MAGED1: variants seen among roughly 807,000 people sequenced by gnomAD.
MAGED1 encodes the protein MAGE family member D1, also known as melanoma-associated antigen D1.
Under a neutral mutation model 54.1 loss-of-function variants are expected in MAGED1, and 3 were observed. That is an observed-to-expected ratio of 0.06 (90% confidence interval 0.03 to 0.14). The LOEUF is 0.14. Ranked by LOEUF, MAGED1 falls within the 10% of genes least tolerant of loss-of-function variation. The probability of loss-of-function intolerance (pLI) is 1.00; values close to 1 mark genes in which losing one functional copy is unlikely to be tolerated. For synonymous variants in MAGED1, 217 were observed against 227.3 expected, an observed-to-expected ratio of 0.95 and a Z score of 0.41; for missense variants, 485 against 623.4, an observed-to-expected ratio of 0.78 and a Z score of 2.36.
At chrX:51,876,234 CTTTT>C (rs782260180) in intron 1 of MAGED1, among the ~76,000 whole-genome samples, 2 of 102,509 alleles carry the variant, frequency 2.0e-5, no homozygotes, top group African/African-American at 3.5e-5. Context: ...GTCTTTCTTT[CTTTT>C]TTTTTTTTTC....
At chrX:51,894,960 C>G in intron 2 of MAGED1, 93 bp from the exon 3 acceptor site, 3 of 932,033 alleles carry the variant, frequency 3.2e-6, no homozygotes, top group Non-Finnish European at 4.4e-6. Flanking sequence ...GCCTGCAGCT[C>G]CGCTGCTGCG....
intron 1 of MAGED1, among the ~76,000 whole-genome samples, chrX:51,836,406 G>A (rs1926250184): frequency 9.0e-6 from 1 of 110,844 alleles, no homozygotes; most frequent in Non-Finnish European, 1.9e-5. Flanking sequence ...TGATTAGGTG[G>A]AACCAGGGTG....
upstream of MAGED1, among the ~76,000 whole-genome samples, chrX:51,888,586 C>A (rs1270355393): frequency 8.9e-6 from 1 of 112,052 alleles, no homozygotes; most frequent in African/African-American, 3.2e-5. Context: ...CATGCACTTA[C>A]TATATACCCC....
At chrX:51,835,282 C>T (rs1926205340) in intron 1 of MAGED1, among the ~76,000 whole-genome samples, 1 of 111,258 alleles carries the variant, frequency 9.0e-6, no homozygotes, top group African/African-American at 3.3e-5. Context: ...GCTTAGAACA[C>T]TTAATATTAG....
chrX:51,840,746 C>T (rs1298645563), intron 1 of MAGED1, among the ~76,000 whole-genome samples: 4 of 109,775 alleles, frequency 3.6e-5, no homozygotes, highest in Non-Finnish European at 7.6e-5. Flanking sequence ...CATCCATGTC[C>T]CTACAAAGGA....
chrX:51,871,801 G>A (rs1170212005), intron 1 of MAGED1, among the ~76,000 whole-genome samples: 2 of 111,552 alleles, frequency 1.8e-5, no homozygotes, highest in Non-Finnish European at 3.8e-5. Context: ...GTAATGGGAT[G>A]GCTGGGTCAA....
chrX:51,870,856 A>G (rs1241501657), intron 1 of MAGED1: 1 of 112,992 alleles, frequency 8.9e-6, no homozygotes, highest in Non-Finnish European at 1.9e-5. Context: ...TTAAAACAGT[A>G]TAGATCTGGC....
At chrX:51,831,678 A>G (rs1189618592) in intron 1 of MAGED1, among the ~76,000 whole-genome samples, 2 of 111,504 alleles carry the variant, frequency 1.8e-5, no homozygotes, top group African/African-American at 3.3e-5. Context: ...AAATTTCAGG[A>G]ATTAGTAAGT....
chrX:51,821,932 C>T (rs984397103), intron 1 of MAGED1, among the ~76,000 whole-genome samples: 5 of 111,581 alleles, frequency 4.5e-5, no homozygotes, highest in Admixed American at 9.5e-5. Context: ...TGGAATAGAT[C>T]TCAGTCATGG....
chrX:51,888,173 C>G (rs1437984256), intron 1 of MAGED1, among the ~76,000 whole-genome samples: 1 of 111,500 alleles, frequency 9.0e-6, no homozygotes, highest in Non-Finnish European at 1.9e-5. Context: ...GTTTGTAACT[C>G]AAAGGATAAA....
intron 1 of MAGED1, among the ~76,000 whole-genome samples, chrX:51,821,420 TC>T (rs1925626589): frequency 9.0e-6 from 1 of 111,082 alleles, no homozygotes; most frequent in African/African-American, 3.3e-5. Context: ...AGACAGGGTC[TC>T]CCTCTGTCAC....
intron 1 of MAGED1, among the ~76,000 whole-genome samples, chrX:51,882,309 T>C (rs1928084254): frequency 8.9e-6 from 1 of 111,751 alleles, no homozygotes; most frequent in African/African-American, 3.2e-5. Flanking sequence ...TATAGTGTGA[T>C]TGTACATTAA....
intron 1 of MAGED1, among the ~76,000 whole-genome samples, chrX:51,858,693 G>A (rs1927172622): frequency 9.0e-6 from 1 of 111,169 alleles, no homozygotes; most frequent in Non-Finnish European, 1.9e-5. Context: ...GAATGGAGAG[G>A]ACAGATGTGG....
chrX:51,898,829 C>T (rs1167151850), intron 10 of MAGED1, 186 bp downstream of exon 10: 1 of 383,598 alleles, frequency 2.6e-6, no homozygotes. Context: ...ATAACGAAAC[C>T]CCATCTCTAC....
intron 1 of MAGED1, among the ~76,000 whole-genome samples, chrX:51,811,791 G>A (rs1363617504): frequency 9.0e-6 from 1 of 111,360 alleles, no homozygotes; most frequent in Non-Finnish European, 1.9e-5. Flanking sequence ...AGTCAGAGAA[G>A]GTGAGAAAGG....
At position 51,881,987 on chromosome X, in the gene MAGED1, T is replaced by G. The variant is rs568606956; in HGVS notation, c.-36-12282T>G. Among the ~76,000 whole-genome samples the G allele has an allele frequency of 8.9e-5, 10 of 111,745 alleles. No homozygotes were observed. In the South Asian group the frequency reaches 3.7e-3, roughly 42 times the overall value. Reference sequence around the variant, plus strand: ...AAAAGGTAATAGAATGCAATAAAAATGTACTTAAAATGGTAACAGGAATAG... The same window carrying G: ...AAAAGGTAATAGAATGCAATAAAAAGGTACTTAAAATGGTAACAGGAATAG... On this transcript the variant is annotated intron_variant, in intron 1 of 12. Transcript: ENST00000375772.
intron 1 of MAGED1, among the ~76,000 whole-genome samples, chrX:51,856,449 C>T (rs1400188551): frequency 1.8e-5 from 2 of 112,318 alleles, no homozygotes; most frequent in Non-Finnish European, 3.8e-5. Context: ...AATAAACTCT[C>T]ATGGTTGTTT....
At chrX:51,840,518 T>C (rs1419921985) in intron 1 of MAGED1, among the ~76,000 whole-genome samples, 1 of 109,741 alleles carries the variant, frequency 9.1e-6, no homozygotes, top group East Asian at 2.9e-4. Flanking sequence ...TGTGCCATGT[T>C]GGTGTGCTGC....
chrX:51,830,768 T>C (rs1449850213), intron 1 of MAGED1, among the ~76,000 whole-genome samples: 3 of 111,927 alleles, frequency 2.7e-5, no homozygotes, highest in African/African-American at 9.7e-5. Flanking sequence ...AACTGATCTA[T>C]CATGTATTTG....
Sources: allele counts gnomAD v4.1 joint callset (sites outside exome capture counted in the v4.1 genomes callset), GRCh38; gene constraint gnomAD v4.1.1; transcripts MANE v1.5; gene names NCBI Gene and HGNC (gene_info 2026-07-23, HGNC 2026-07-21).